Variants in SPOCK1 observed in about 807,000 individuals in gnomAD.
SPOCK1 encodes the protein SPARC (osteonectin), cwcv and kazal like domains proteoglycan 1.
A neutral mutation model predicts 55.3 loss-of-function variants in SPOCK1; 23 were observed. The ratio of observed to expected loss-of-function variants is 0.42; its 90% confidence interval spans 0.30 to 0.59. The LOEUF is 0.59. SPOCK1 is among the 20% of genes least tolerant of loss of function. SPOCK1 has a pLI of 0.22. For synonymous variants in SPOCK1, 226 were observed against 221.0 expected (o/e 1.02, Z -0.20); for missense variants, 499 against 552.5 (o/e 0.90, Z 0.97).
intron 2 of SPOCK1, among the ~76,000 whole-genome samples, chr5:137,400,973 C>T (rs1185752458): frequency 6.6e-6 from 1 of 152,196 alleles, no homozygotes; most frequent in Non-Finnish European, 1.5e-5. Context: ...TCCCGCCCAC[C>T]CCTTCATGTG....
intron 2 of SPOCK1, among the ~76,000 whole-genome samples, chr5:137,415,605 AG>A (rs1456845355): frequency 4.6e-5 from 7 of 152,362 alleles, no homozygotes; most frequent in African/African-American, 1.7e-4. Context: ...AGCACATTCC[AG>A]AAGCGTGATT....
At chr5:137,052,055 G>C (rs1752216954) in intron 6 of SPOCK1, among the ~76,000 whole-genome samples, 1 of 152,180 alleles carries the variant, frequency 6.6e-6, no homozygotes, top group Admixed American at 6.5e-5. Context: ...CTGCTCAAAA[G>C]AAAGGGGTGC....
chr5:137,417,436 C>T (rs1190921110), intron 2 of SPOCK1, among the ~76,000 whole-genome samples: 1 of 149,012 alleles, frequency 6.7e-6, no homozygotes, highest in Non-Finnish European at 1.5e-5. Flanking sequence ...TTTTGACATT[C>T]ACATACACTG....
chr5:137,283,749 G>C (rs1331971112), intron 2 of SPOCK1, among the ~76,000 whole-genome samples: 1 of 151,836 alleles, frequency 6.6e-6, no homozygotes, highest in African/African-American at 2.4e-5. Context: ...AAAAAAACTA[G>C]TGTAGAGGTA....
intron 5 of SPOCK1, among the ~76,000 whole-genome samples, chr5:137,099,910 C>CG (rs1361083094): frequency 1.3e-5 from 2 of 152,150 alleles, no homozygotes; most frequent in African/African-American, 4.8e-5. Context: ...CCCCACCCCC[C>CG]GGAGTCATGG....
At chr5:137,136,170 T>A (rs922056653) in intron 4 of SPOCK1, among the ~76,000 whole-genome samples, 9 of 152,228 alleles carry the variant, frequency 5.9e-5, no homozygotes, top group African/African-American at 2.2e-4. Context: ...TTAGTCAAAC[T>A]CAAGGTCATA....
At chr5:137,084,766 T>A (rs977591330) in intron 5 of SPOCK1, among the ~76,000 whole-genome samples, 16 of 151,880 alleles carry the variant, frequency 1.1e-4, no homozygotes, top group African/African-American at 3.4e-4. Flanking sequence ...CTCTATTAGA[T>A]CCTTTAATCT....
intron 3 of SPOCK1, among the ~76,000 whole-genome samples, chr5:137,254,556 T>C (rs981267163): frequency 5.3e-5 from 8 of 152,180 alleles, no homozygotes; most frequent in African/African-American, 1.7e-4. Flanking sequence ...ATTGAGCACA[T>C]CAGCATCCAT....
At chr5:136,983,438 G>A (rs893883003) in intron 9 of SPOCK1, among the ~76,000 whole-genome samples, 1 of 152,144 alleles carries the variant, frequency 6.6e-6, no homozygotes, top group Non-Finnish European at 1.5e-5. Flanking sequence ...GAAGCTTAGT[G>A]GTATCCACCC....
At chr5:136,980,774 TTG>T (rs1328936091) in intron 9 of SPOCK1, among the ~76,000 whole-genome samples, 1 of 152,206 alleles carries the variant, frequency 6.6e-6, no homozygotes, top group African/African-American at 2.4e-5. Context: ...GTTTTCTGCA[TTG>T]TTTCTTTTGA....
At chr5:137,364,181 G>A (rs1381342993) in intron 2 of SPOCK1, among the ~76,000 whole-genome samples, 3 of 152,218 alleles carry the variant, frequency 2.0e-5, no homozygotes, top group African/African-American at 7.2e-5. Flanking sequence ...GACTGAGGCT[G>A]CCTCACTGGA....
At chr5:137,358,196 T>C (rs1317756660) in intron 2 of SPOCK1, among the ~76,000 whole-genome samples, 1 of 151,938 alleles carries the variant, frequency 6.6e-6, no homozygotes, top group East Asian at 1.9e-4. Context: ...CACTGAGCAA[T>C]GACTGAACAA....
intron 6 of SPOCK1, among the ~76,000 whole-genome samples, chr5:137,013,247 G>T (rs1751387234): frequency 8.7e-6 from 1 of 114,290 alleles, no homozygotes; most frequent in African/African-American, 2.9e-5. Flanking sequence ...TTTGTTTTTT[G>T]GCCTAAGAAC....
chr5:137,123,929 C>T (rs113686785), intron 4 of SPOCK1, among the ~76,000 whole-genome samples: 1 of 152,116 alleles, frequency 6.6e-6, no homozygotes, highest in Non-Finnish European at 1.5e-5. Flanking sequence ...AGAAATGTTG[C>T]ACCAATTTGT....
At chr5:137,238,135 A>C (rs1182860347) in intron 3 of SPOCK1, among the ~76,000 whole-genome samples, 1 of 152,222 alleles carries the variant, frequency 6.6e-6, no homozygotes, top group Non-Finnish European at 1.5e-5. Flanking sequence ...CTGTAGAGAG[A>C]ATTAAAATGA....
At chr5:137,185,971 G>C (rs955075117) in intron 3 of SPOCK1, among the ~76,000 whole-genome samples, 5 of 152,226 alleles carry the variant, frequency 3.3e-5, no homozygotes, top group Admixed American at 1.3e-4. Context: ...GCAGAAGCGG[G>C]AAAGGCAGCG....
At chr5:137,081,310 G>T (rs1040935845) in intron 5 of SPOCK1, among the ~76,000 whole-genome samples, 34 of 152,188 alleles carry the variant, frequency 2.2e-4, no homozygotes, top group African/African-American at 8.2e-4. Context: ...GACGGAGAAA[G>T]AATAACAGCA....
chr5:137,469,053 G>A (rs532679738), intron 2 of SPOCK1, among the ~76,000 whole-genome samples: 1 of 152,328 alleles, frequency 6.6e-6, no homozygotes, highest in East Asian at 1.9e-4. Context: ...TAAATTTAGA[G>A]TTTGTGGGCT....
intron 2 of SPOCK1, among the ~76,000 whole-genome samples, chr5:137,362,201 A>G (rs1374619985): frequency 1.3e-5 from 2 of 152,194 alleles, no homozygotes; most frequent in Non-Finnish European, 2.9e-5. Flanking sequence ...GTACAGAAGA[A>G]GGTCACTGCT....
Sources: allele counts gnomAD v4.1 joint callset (sites outside exome capture counted in the v4.1 genomes callset), GRCh38; gene constraint gnomAD v4.1.1; transcripts MANE v1.5; gene names NCBI Gene and HGNC (gene_info 2026-07-23, HGNC 2026-07-21).